The following ZRANB3 variants were observed in gnomAD, a reference collection of about 807,000 sequenced individuals.
ZRANB3 encodes DNA annealing helicase and endonuclease ZRANB3.
In ZRANB3, 125 loss-of-function variants were observed where a neutral mutation model predicts 133.8. That is an observed-to-expected ratio of 0.93 (90% confidence interval 0.81 to 1.08). ZRANB3 has a LOEUF of 1.08. Ranked by LOEUF, ZRANB3 falls within the 50% of genes least tolerant of loss-of-function variation. The pLI is 0.00. For missense variants in ZRANB3, 1,229 were observed against 1,275.5 expected, an observed-to-expected ratio of 0.96 and a Z score of 0.56; for synonymous variants, 387 against 432.7, an observed-to-expected ratio of 0.89 and a Z score of 1.31.
intron 3 of ZRANB3, among the ~76,000 whole-genome samples, chr2:135,386,064 A>C (rs757108985): frequency 6.6e-6 from 1 of 152,164 alleles, no homozygotes; most frequent in Non-Finnish European, 1.5e-5. Flanking sequence ...CAACATACAG[A>C]ATGGGAGAAA....
chr2:135,230,776 A>G lies in ZRANB3; in HGVS notation c.1691T>C (p.Ile564Thr). ...SDPTKTAARDIIDYESDVEPE... is the reference protein window; with the variant it reads ...SDPTKTAARDTIDYESDVEPE... The stretch of plus-strand genomic sequence containing the variant: ...TTCAACATCACTTTCATAATCGATG[A>G]TATCTCTTGCAGCTGTTTTTGTAGG... Residue 564 changes from isoleucine to threonine, a missense_variant, in exon 13 of 21, where the codon ATC becomes ACC. By Grantham distance (89) the Ile-to-Thr change is moderately conservative. Coordinates refer to ENST00000264159, the MANE Select transcript of ZRANB3 (RefSeq NM_032143.4). The G allele has an allele frequency of 4.3e-6, 7 of 1,613,868 alleles. No homozygotes were observed. Among genetic ancestry groups the G allele is most frequent in the Non-Finnish European group, 5.9e-6 (7 of 1,179,892 alleles).
chr2:135,216,022 C>CT (rs774572428), intron 17 of ZRANB3, among the ~76,000 whole-genome samples: 17 of 152,088 alleles, frequency 1.1e-4, no homozygotes, highest in Admixed American at 6.6e-4. Context: ...CTAAGGTATC[C>CT]TTCTAGACAA....
chr2:135,366,587 T>C (rs1685949347), intron 3 of ZRANB3, among the ~76,000 whole-genome samples: 1 of 152,096 alleles, frequency 6.6e-6, no homozygotes, highest in Admixed American at 6.5e-5. Context: ...AAAATCAATT[T>C]GTTATTCTAA....
chr2:135,202,675 G>T, intron 20 of ZRANB3, 157 bp downstream of exon 20: 1 of 835,086 alleles, frequency 1.2e-6, no homozygotes, highest in Non-Finnish European at 1.7e-6. Context: ...CACGGGCCTT[G>T]AGAGGAAAGG....
chr2:135,362,939 C>G (rs1037454336), intron 3 of ZRANB3, among the ~76,000 whole-genome samples: 10 of 152,112 alleles, frequency 6.6e-5, no homozygotes, highest in Non-Finnish European at 1.2e-4. Flanking sequence ...ACTGATAAAT[C>G]TGAGTAAAGG....
intron 8 of ZRANB3, among the ~76,000 whole-genome samples, chr2:135,291,103 C>A (rs1681691073): frequency 6.6e-6 from 1 of 152,122 alleles, no homozygotes; most frequent in Non-Finnish European, 1.5e-5. Context: ...CTCAGGTGAT[C>A]CACCTGTCTC....
Position 135,344,146 on chromosome 2 carries a change from A to T in ZRANB3, c.677+1404T>A, listed in dbSNP as rs577759021. ...AAATATTAGTTAATATAAGTCTTAT[A>T]ATAACTCTCCAAGGCAGGCATAATA... On this transcript the variant is annotated intron_variant, in intron 6 of 20. Coordinates refer to ENST00000264159, the MANE Select transcript of ZRANB3 (RefSeq NM_032143.4). 3.3e-5 allele frequency among the ~76,000 whole-genome samples: 5 copies of T among 152,350 alleles called. No homozygotes were observed. The East Asian group carries it at 9.6e-4, about 29-fold the overall frequency.
At chr2:135,469,244 GACACACAC>G (rs149939641) in intron 2 of ZRANB3, among the ~76,000 whole-genome samples, 23 of 147,846 alleles carry the variant, frequency 1.6e-4, no homozygotes, top group Non-Finnish European at 3.3e-4. Flanking sequence ...CATGCATGCA[GACACACAC>G]ACACACACAC....
chr2:135,232,575 A>G (rs1199633850), intron 12 of ZRANB3, among the ~76,000 whole-genome samples: 1 of 152,206 alleles, frequency 6.6e-6, no homozygotes, highest in African/African-American at 2.4e-5. Flanking sequence ...TCACATGGCC[A>G]GGTACTCCTC....
chr2:135,363,907 T>A lies in ZRANB3; in HGVS notation c.181-10279A>T, dbSNP rs903614863. ...GCCTGGGCAATATAGAGAGACCACATCTCTACAAAAAATACAAAAATTTGC... is the reference window on the plus strand; with the variant it reads ...GCCTGGGCAATATAGAGAGACCACAACTCTACAAAAAATACAAAAATTTGC... On this transcript the variant is annotated intron_variant, in intron 3 of 20. Coordinates refer to ENST00000264159, the MANE Select transcript of ZRANB3 (RefSeq NM_032143.4). Among the ~76,000 whole-genome samples, 5 of 152,146 alleles carry A rather than the reference T, an allele frequency of 3.3e-5. No homozygotes were observed. In the East Asian group the frequency reaches 9.6e-4, roughly 29 times the overall value.
chr2:135,401,398 G>C (rs374182368), intron 2 of ZRANB3, among the ~76,000 whole-genome samples: 1 of 152,058 alleles, frequency 6.6e-6, no homozygotes, highest in Non-Finnish European at 1.5e-5. Context: ...ATCATCCCTC[G>C]ATAAAAACGG....
chr2:135,485,611 A>G (rs1692079452), intron 2 of ZRANB3, among the ~76,000 whole-genome samples: 1 of 152,194 alleles, frequency 6.6e-6, no homozygotes. Context: ...TGGTCACAAT[A>G]CTGTCAGAAT....
intron 6 of ZRANB3, among the ~76,000 whole-genome samples, chr2:135,323,381 C>G (rs1683637712): frequency 6.6e-6 from 1 of 152,098 alleles, no homozygotes; most frequent in Admixed American, 6.5e-5. Context: ...TAATTGTTAA[C>G]ATAACAGAGG....
chr2:135,210,252 G>A (rs1040114714), intron 17 of ZRANB3, among the ~76,000 whole-genome samples: 2 of 152,174 alleles, frequency 1.3e-5, no homozygotes, highest in Non-Finnish European at 2.9e-5. Flanking sequence ...GATATCATTA[G>A]AGAAATAGTG....
chr2:135,254,674 C>A (rs1278479420), intron 12 of ZRANB3, among the ~76,000 whole-genome samples: 1 of 152,064 alleles, frequency 6.6e-6, no homozygotes, highest in Non-Finnish European at 1.5e-5. Flanking sequence ...AAAATTCACC[C>A]TTTTATAGTG....
At chr2:135,259,493 A>G (rs1481568422) in intron 12 of ZRANB3, among the ~76,000 whole-genome samples, 4 of 152,214 alleles carry the variant, frequency 2.6e-5, no homozygotes, top group Non-Finnish European at 5.9e-5. Flanking sequence ...ATTTCAGCTC[A>G]GCACAACCTC....
chr2:135,213,753 C>T (rs985576807), intron 17 of ZRANB3, among the ~76,000 whole-genome samples: 5 of 152,056 alleles, frequency 3.3e-5, no homozygotes, highest in African/African-American at 1.2e-4. Flanking sequence ...CCTGTCCCTC[C>T]GTTATTTAAT....
chr2:135,403,100 G>C (rs1369651142), intron 2 of ZRANB3, among the ~76,000 whole-genome samples: 1 of 152,158 alleles, frequency 6.6e-6, no homozygotes, highest in Non-Finnish European at 1.5e-5. Context: ...GTGTCGGAAA[G>C]TGGGTGCAGG....
At chr2:135,496,682 C>G (rs1416835863) in intron 2 of ZRANB3, among the ~76,000 whole-genome samples, 1 of 152,152 alleles carries the variant, frequency 6.6e-6, no homozygotes, top group African/African-American at 2.4e-5. Context: ...AATATACTTT[C>G]TGAAATTAAG....
Sources: allele counts gnomAD v4.1 joint callset (sites outside exome capture counted in the v4.1 genomes callset), GRCh38; gene constraint gnomAD v4.1.1; transcripts MANE v1.5; gene names NCBI Gene and HGNC (gene_info 2026-07-23, HGNC 2026-07-21).